Variants in ARNT2 observed in about 807,000 individuals in gnomAD.
The protein encoded by ARNT2 is aryl hydrocarbon receptor nuclear translocator 2, also known as ARNT protein 2.
In ARNT2, 36 loss-of-function variants were observed where a neutral mutation model predicts 91.7. The observed-to-expected ratio is 0.39, with a 90% CI of 0.30 to 0.52. The LOEUF is 0.52. ARNT2 is among the 20% of genes least tolerant of loss of function. The pLI, the probability that ARNT2 is intolerant of heterozygous loss-of-function variation, is 0.72. For missense variants in ARNT2, 775 were observed against 939.3 expected, an observed-to-expected ratio of 0.83 and a Z score of 2.29; for synonymous variants, 365 against 347.1, an observed-to-expected ratio of 1.05 and a Z score of -0.57.
intron 5 of ARNT2, among the ~76,000 whole-genome samples, chr15:80,481,704 C>A (rs1391985937): frequency 3.3e-5 from 5 of 152,074 alleles, no homozygotes; most frequent in Non-Finnish European, 5.9e-5. Context: ...CAGAGCGAGA[C>A]CCTGTCTCAA....
chr15:80,563,295 G>C (rs1379214281), intron 12 of ARNT2, 56 bp downstream of exon 12: 1 of 1,600,306 alleles, frequency 6.2e-7, no homozygotes, highest in Non-Finnish European at 8.6e-7. Context: ...CTTGGGTCCA[G>C]AGCTGGCAAT....
At chr15:80,527,005 G>A (rs1227596178) in intron 8 of ARNT2, among the ~76,000 whole-genome samples, 1 of 152,204 alleles carries the variant, frequency 6.6e-6, no homozygotes, top group Non-Finnish European at 1.5e-5. Flanking sequence ...TGTGGCATGA[G>A]TACATCAGGT....
rs767311664 is a variant in ARNT2, at chr15:80,552,629, C to T, written c.955-11C>T. On this transcript the variant is annotated splice_polypyrimidine_tract_variant and intron_variant, in intron 9 of 18. Transcript: ENST00000303329. ...CAACACCACCTCAACTGTGGATTTT[C>T]CCCATCCCAGGTGACCAGCTCTCCT... 7 of 1,613,168 alleles carry T rather than the reference C, an allele frequency of 4.3e-6. No individual in the cohort carries two copies. Among genetic ancestry groups the T allele is most frequent in the Non-Finnish European group, 5.9e-6 (7 of 1,179,398 alleles).
intron 18 of ARNT2, among the ~76,000 whole-genome samples, 177 bp from the exon 19 acceptor site, chr15:80,593,423 G>A (rs1239737486): frequency 1.3e-5 from 2 of 152,220 alleles, no homozygotes; most frequent in African/African-American, 2.4e-5. Context: ...CAGTTTCCCC[G>A]GGTCTCAGAC....
At chr15:80,550,611 G>A (rs1457576259) in intron 8 of ARNT2, among the ~76,000 whole-genome samples, 1 of 152,220 alleles carries the variant, frequency 6.6e-6, no homozygotes, top group Non-Finnish European at 1.5e-5. Flanking sequence ...CCTGTGAAGA[G>A]TGAGGATTGT....
rs534678979 is a variant in ARNT2 at position 80,533,426 on chromosome 15, A to C, written c.878-17773A>C. On this transcript the variant is annotated intron_variant, in intron 8 of 18. Coordinates refer to ENST00000303329, the MANE Select transcript of ARNT2 (RefSeq NM_014862.4). ...TTTTAAAAGTCATGGAGGAACGGTC[A>C]ACACAAGCCAGCCTGGGGTGCCCCA... Among the ~76,000 whole-genome samples the C allele has an allele frequency of 5.9e-5, 9 of 152,280 alleles. No individual in the cohort carries two copies. The East Asian group carries it at 1.7e-3, about 30-fold the overall frequency.
intron 7 of ARNT2, among the ~76,000 whole-genome samples, 153 bp from the exon 8 acceptor site, chr15:80,514,167 T>C (rs1897391187): frequency 6.6e-6 from 1 of 152,092 alleles, no homozygotes; most frequent in Non-Finnish European, 1.5e-5. Flanking sequence ...TTTCAGACCA[T>C]GTGGGAGGAA....
intron 1 of ARNT2, among the ~76,000 whole-genome samples, chr15:80,407,089 C>T (rs1427557907): frequency 2.0e-5 from 3 of 152,174 alleles, no homozygotes; most frequent in African/African-American, 7.2e-5. Context: ...CTTCCTGCCT[C>T]CTTTCCCCAG....
chr15:80,411,623 A>G (rs1233327772), intron 1 of ARNT2, among the ~76,000 whole-genome samples: 1 of 152,246 alleles, frequency 6.6e-6, no homozygotes, highest in African/African-American at 2.4e-5. Flanking sequence ...CACAAAGCTC[A>G]TCATTCTTCC....
chr15:80,419,048 G>C (rs1474961545), intron 1 of ARNT2, among the ~76,000 whole-genome samples: 1 of 152,170 alleles, frequency 6.6e-6, no homozygotes, highest in Non-Finnish European at 1.5e-5. Flanking sequence ...TCCAGCACTG[G>C]AAACAAACCA....
intron 1 of ARNT2, among the ~76,000 whole-genome samples, chr15:80,440,840 T>C (rs995077285): frequency 2.4e-4 from 36 of 152,212 alleles, no homozygotes; most frequent in Non-Finnish European, 1.6e-4. Flanking sequence ...AAGAATGTCT[T>C]ACAGAGGATC....
chr15:80,410,590 G>A (rs1032982730), intron 1 of ARNT2, among the ~76,000 whole-genome samples: 2 of 152,100 alleles, frequency 1.3e-5, no homozygotes, highest in African/African-American at 2.4e-5. Flanking sequence ...CTTTCCTTGG[G>A]GTAAGTTAGT....
At chr15:80,523,357 G>C (rs1467712000) in intron 8 of ARNT2, among the ~76,000 whole-genome samples, 1 of 152,114 alleles carries the variant, frequency 6.6e-6, no homozygotes, top group Non-Finnish European at 1.5e-5. Context: ...GATTGGTGGG[G>C]AGATCAGTGC....
At chr15:80,567,682 G>A (rs564088205) in intron 12 of ARNT2, among the ~76,000 whole-genome samples, 1 of 152,316 alleles carries the variant, frequency 6.6e-6, no homozygotes, top group South Asian at 2.1e-4. Flanking sequence ...TCTTGTACAG[G>A]GGGTGGCCTA....
intron 5 of ARNT2, among the ~76,000 whole-genome samples, chr15:80,480,020 A>G (rs1455213235): frequency 1.3e-5 from 2 of 152,122 alleles, no homozygotes; most frequent in African/African-American, 4.8e-5. Context: ...GGAGCTCCTT[A>G]TGGGGAAGGA....
At chr15:80,476,571 T>C (rs1595979415) in intron 5 of ARNT2, among the ~76,000 whole-genome samples, 1 of 152,236 alleles carries the variant, frequency 6.6e-6, no homozygotes, top group Non-Finnish European at 1.5e-5. Context: ...GTATTCCCAC[T>C]TGCTTTTGTG....
chr15:80,426,752 C>T (rs1418828496), intron 1 of ARNT2, among the ~76,000 whole-genome samples: 1 of 152,142 alleles, frequency 6.6e-6, no homozygotes, highest in Non-Finnish European at 1.5e-5. Context: ...CTCAGGCTCC[C>T]CTAACAAAAT....
chr15:80,482,693 C>T (rs532778807), intron 5 of ARNT2, among the ~76,000 whole-genome samples: 11 of 152,286 alleles, frequency 7.2e-5, no homozygotes, highest in African/African-American at 2.4e-4. Flanking sequence ...GACTGAGGCT[C>T]GGATGCAGGG....
chr15:80,568,653 G>A (rs1042005341), intron 12 of ARNT2, among the ~76,000 whole-genome samples: 1 of 152,206 alleles, frequency 6.6e-6, no homozygotes, highest in Non-Finnish European at 1.5e-5. Context: ...GCAGTAAGGG[G>A]CTGAAACAGC....
Sources: gnomAD v4.1 joint callset for allele counts (sites outside exome capture counted in the v4.1 genomes callset) on GRCh38, gnomAD v4.1.1 for gene constraint, MANE v1.5 for transcripts, NCBI Gene and HGNC (gene_info 2026-07-23, HGNC 2026-07-21) for gene names.